CCDC187: variants seen among roughly 807,000 people sequenced by gnomAD.
CCDC187 encodes coiled-coil domain-containing protein 187.
In CCDC187, 32 loss-of-function variants were observed where a neutral mutation model predicts 38.0. The ratio of observed to expected loss-of-function variants is 0.84; its 90% CI spans 0.64 to 1.13. The LOEUF is 1.13. Ranked by LOEUF, CCDC187 falls within the 50% of genes most tolerant of loss-of-function variation. The probability of loss-of-function intolerance (pLI) is 0.00; values close to 1 mark genes in which losing one functional copy is unlikely to be tolerated. For synonymous variants in CCDC187, 333 were observed against 347.9 expected (o/e 0.96, Z 0.48); for missense variants, 707 against 786.8 (o/e 0.90, Z 1.21).
At chr9:136,267,872 A>G (rs1830775612) in intron 15 of CCDC187, 177 bp downstream of exon 15, 7 of 985,282 alleles carry the variant, frequency 7.1e-6, no homozygotes, top group African/African-American at 1.7e-5. Flanking sequence ...GGCGGGAGGA[A>G]CGGGCTTGGG....
chr9:136,280,315 A>G (rs914486491), intron 10 of CCDC187, among the ~76,000 whole-genome samples: 5 of 152,182 alleles, frequency 3.3e-5, no homozygotes, highest in Admixed American at 6.5e-5. Context: ...GCAGGCAGTG[A>G]TGCTCAGAGG....
intron 10 of CCDC187, among the ~76,000 whole-genome samples, chr9:136,277,939 C>T (rs74213493): frequency 0.21 from 31,348 of 152,176 alleles, 3,808 homozygotes; most frequent in Middle Eastern, 0.44. Flanking sequence ...CCATGAACCA[C>T]AGCTAAGCCG....
chr9:136,286,928 T>C (rs991654657), intron 7 of CCDC187, among the ~76,000 whole-genome samples: 16 of 152,332 alleles, frequency 1.1e-4, no homozygotes, highest in Non-Finnish European at 2.1e-4. Context: ...TCCCGGGCAC[T>C]GCCGGTGGGG....
chr9:136,254,956 C>G lies in CCDC187; in HGVS notation c.4872G>C (p.Leu1624=). The G allele has an allele frequency of 1.0e-6, 1 of 985,516 alleles. No homozygotes were observed. The highest frequency in any genetic ancestry group is 1.2e-6 in the Non-Finnish European group (1 of 829,972). The allele number at this position is 985,516 out of a possible 1,614,324, so 61.0% of individuals were successfully genotyped here. The change falls in exon 26 of 26, where the codon CTG becomes CTC. Residue 1624 remains leucine, a synonymous_variant. Transcript: ENST00000638797. ...HTSPAGSVSS[L]SCPSLWEFQK... Reference sequence around the variant, plus strand: ...GGAACTCCCAGAGAGAGGGACAGGACAGGCTGCTCACAGAGCCTGCTGGGG... The same window carrying G: ...GGAACTCCCAGAGAGAGGGACAGGAGAGGCTGCTCACAGAGCCTGCTGGGG...
At chr9:136,269,431 C>T (rs1830802932) in intron 14 of CCDC187, among the ~76,000 whole-genome samples, 1 of 152,172 alleles carries the variant, frequency 6.6e-6, no homozygotes, top group African/African-American at 2.4e-5. Context: ...GGGTGGATCA[C>T]GAGGTCAGGA....
chr9:136,290,820 T>G lies in CCDC187; in HGVS notation c.1793A>C (p.Lys598Thr), dbSNP rs1831307033. ...RGIGSPVSAA[K>T]HALPRPTGSF... ...CCCGGTGGGCCTTGGCAGGGCATGC[T>G]TGGCAGCCGAGACGGGGGAGCCGAT... The change falls in exon 6 of 26, where the codon AAG becomes ACG. Residue 598 changes from lysine (K) to threonine (T), a missense_variant. Physicochemically the swap from Lys to Thr is moderately conservative, Grantham distance 78 (BLOSUM62 -1). Coordinates refer to ENST00000638797, the MANE Select transcript of CCDC187 (RefSeq NM_001378188.1). 2 of 398,488 alleles carry G rather than the reference T, an allele frequency of 5.0e-6. No individual in the cohort carries two copies. The highest frequency in any genetic ancestry group is 6.3e-4 in the Middle Eastern group (1 of 1,588). The allele number at this position is 398,488 out of a possible 1,614,324, so 24.7% of individuals were successfully genotyped here.
intron 25 of CCDC187, 81 bp from the exon 26 acceptor site, chr9:136,255,215 G>A (rs1830597423): frequency 2.8e-6 from 2 of 716,012 alleles, no homozygotes; most frequent in African/African-American, 1.9e-5. Flanking sequence ...AAGCCAGGAG[G>A]TCAGAACAGA....
chr9:136,275,759 T>A (rs1041185784), intron 12 of CCDC187, among the ~76,000 whole-genome samples: 28 of 152,170 alleles, frequency 1.8e-4, no homozygotes, highest in Non-Finnish European at 4.1e-4. Flanking sequence ...GAGGGGACAC[T>A]ATTGGTGCAG....
At chr9:136,281,369 C>A in intron 10 of CCDC187, 182 bp downstream of exon 10, 1 of 398,506 alleles carries the variant, frequency 2.5e-6, no homozygotes. Flanking sequence ...GCACAGAGCA[C>A]GCAGAGGGTC....
chr9:136,278,060 T>TG, intron 10 of CCDC187, among the ~76,000 whole-genome samples: 1 of 152,178 alleles, frequency 6.6e-6, no homozygotes. Flanking sequence ...GTCACCCCCG[T>TG]GGCCCCCATC....
At chr9:136,285,410 C>A in intron 9 of CCDC187, 103 bp downstream of exon 9, 1 of 306,556 alleles carries the variant, frequency 3.3e-6, no homozygotes, top group Non-Finnish European at 5.8e-6. Flanking sequence ...TGAGAGGCAG[C>A]CCGTGAGCGT....
At chr9:136,259,309 G>T (rs1183978653) in intron 21 of CCDC187, 54 bp downstream of exon 21, 1 of 744,168 alleles carries the variant, frequency 1.3e-6, no homozygotes, top group Non-Finnish European at 1.6e-6. Flanking sequence ...TTGGGGGGGG[G>T]TGGTCCCTGA....
At chr9:136,300,538 C>T (rs1831653324) in intron 2 of CCDC187, among the ~76,000 whole-genome samples, 2 of 152,154 alleles carry the variant, frequency 1.3e-5, no homozygotes, top group South Asian at 2.1e-4. Flanking sequence ...CTCAGCCTCC[C>T]GAGTAGTTGG....
chr9:136,301,732 G>A (rs986357075), intron 2 of CCDC187, among the ~76,000 whole-genome samples: 130,310 of 151,342 alleles, frequency 0.86, 56,104 homozygotes, highest in South Asian at 0.89. Context: ...GACTACAGGC[G>A]CCCGCCACCA....
chr9:136,295,476 G>A (rs1468934404), intron 4 of CCDC187, among the ~76,000 whole-genome samples: 5 of 152,160 alleles, frequency 3.3e-5, no homozygotes, highest in African/African-American at 4.8e-5. Flanking sequence ...CAAAGTTCTG[G>A]GGCCGACCTA....
At chr9:136,265,197 C>T (rs1340748689) in intron 17 of CCDC187, among the ~76,000 whole-genome samples, 4 of 152,230 alleles carry the variant, frequency 2.6e-5, no homozygotes, top group African/African-American at 7.2e-5. Context: ...GGGTCCTCGT[C>T]CTGGCTCTCA....
chr9:136,255,105 G>C lies in CCDC187; in HGVS notation c.4723C>G (p.Pro1575Ala). The C allele has an allele frequency of 3.0e-6, 3 of 985,514 alleles. No homozygotes were observed. The highest frequency in any genetic ancestry group is 3.6e-6 in the Non-Finnish European group (3 of 830,004). The allele number at this position is 985,514 out of a possible 1,614,324, so 61.0% of individuals were successfully genotyped here. The change falls in exon 26 of 26, where the codon CCC becomes GCC. Residue 1575 changes from proline (P) to alanine (A), a missense_variant. Physicochemically the swap from Pro to Ala is conservative, Grantham distance 27. Coordinates refer to ENST00000638797, the MANE Select transcript of CCDC187 (RefSeq NM_001378188.1). ...AAPVVPEEAA[P>A]PILHQGSPLL... is the part of the protein sequence containing the mutation. ...GGACTGCCCTGGTGCAGGATTGGGGGCGCCGCCTCCTCAGGGACCACAGGA... is the reference window on the plus strand; with the variant it reads ...GGACTGCCCTGGTGCAGGATTGGGGCCGCCGCCTCCTCAGGGACCACAGGA...
In CCDC187 at chr9:136,254,496, T is replaced by C. The variant is rs67021676; in HGVS notation, c.5332A>G (p.Lys1778Glu). The change falls in exon 26 of 26, where the codon AAG (lysine) becomes GAG (glutamate). Residue 1778 changes from lysine (K) to glutamate (E), a missense_variant. Lys to Glu is a moderately conservative substitution (Grantham distance 56). Coordinates refer to ENST00000638797, the MANE Select transcript of CCDC187 (RefSeq NM_001378188.1). ...EDLPEPCTGAKPASGSSLPAG... is the reference protein window; with the variant it reads ...EDLPEPCTGAEPASGSSLPAG... ...GGCAGGGAGCTCCCCGAGGCTGGCT[T>C]GGCCCCGGTACAGGGTTCTGGCAGG... 0.2 allele frequency: 193,738 copies of C among 985,286 alleles called. 19,604 individuals are homozygous for C. Among genetic ancestry groups the C allele is most frequent in the Admixed American group, 0.27 (4,376 of 16,268 alleles). 61.0% of individuals were successfully genotyped at this position (985,286 alleles called of 1,614,324 possible). A position where few individuals can be genotyped will look rare whatever the true frequency, so the allele number is the denominator to read the frequency against.
chr9:136,269,792 C>T (rs1830809393), intron 14 of CCDC187, among the ~76,000 whole-genome samples: 1 of 152,052 alleles, frequency 6.6e-6, no homozygotes, highest in African/African-American at 2.4e-5. Flanking sequence ...TAACAGTATC[C>T]CAGGCTTGAC....
Sources: gnomAD v4.1 joint callset for allele counts (sites outside exome capture counted in the v4.1 genomes callset) on GRCh38, gnomAD v4.1.1 for gene constraint, MANE v1.5 for transcripts, NCBI Gene and HGNC (gene_info 2026-07-23, HGNC 2026-07-21) for gene names.